TMEM106B: variants seen among roughly 807,000 people sequenced by gnomAD.
TMEM106B encodes the protein transmembrane protein 106B.
TMEM106B carries 15 observed loss-of-function variants against 31.1 expected under a neutral mutation model. The ratio of observed to expected loss-of-function variants is 0.48; its 90% CI spans 0.32 to 0.74. The LOEUF is 0.74. TMEM106B is among the 30% of genes least tolerant of loss of function. TMEM106B has a pLI of 0.03. For missense variants in TMEM106B, 283 were observed against 327.3 expected (o/e 0.86, Z 1.04); for synonymous variants, 126 against 112.5 (o/e 1.12, Z -0.76).
At chr7:12,216,913 A>C (rs1781697565) in intron 2 of TMEM106B, among the ~76,000 whole-genome samples, 1 of 152,140 alleles carries the variant, frequency 6.6e-6, no homozygotes, top group Non-Finnish European at 1.5e-5. Flanking sequence ...GAGTGGGCTC[A>C]AGAGTGCATA....
chr7:12,239,544 C>G lies in TMEM106B; in HGVS notation c.*7569C>G, dbSNP rs1782204049. ...CCTATCTTGACTTTCCAAGATTGTCCTTGGTGAGAAATGCTTGATTACTAG... is the reference window on the plus strand; with the variant it reads ...CCTATCTTGACTTTCCAAGATTGTCGTTGGTGAGAAATGCTTGATTACTAG... On this transcript the variant is annotated 3_prime_UTR_variant, in exon 8 of 8. Transcript: ENST00000396668. 1.3e-5 allele frequency: 2 copies of G among 152,066 alleles called. No individual in the cohort carries two copies. The highest frequency in any genetic ancestry group is 1.5e-5 in the Non-Finnish European group (1 of 68,010). The allele number at this position is 152,066 out of a possible 1,614,324, so 9.4% of individuals were successfully genotyped here. A position where few individuals can be genotyped will look rare whatever the true frequency, so the allele number is the denominator to read the frequency against.
rs977853894 is a variant in TMEM106B at position 12,240,780 on chromosome 7, A to G, written c.*8805A>G. The G allele has an allele frequency of 6.6e-6, 1 of 151,656 alleles. No homozygotes were observed. Among genetic ancestry groups the G allele is most frequent in the Non-Finnish European group, 1.5e-5 (1 of 67,996 alleles). The allele number at this position is 151,656 out of a possible 1,614,324, so 9.4% of individuals were successfully genotyped here. ...ATAGCATCTTATGAGGAACCTTGATATGTGACAAAACAGATGCTTTGATTT... is the reference window on the plus strand; with the variant it reads ...ATAGCATCTTATGAGGAACCTTGATGTGTGACAAAACAGATGCTTTGATTT... On this transcript the variant is annotated 3_prime_UTR_variant, in exon 8 of 8. Transcript: ENST00000396668.
intron 4 of TMEM106B, among the ~76,000 whole-genome samples, chr7:12,228,704 T>G (rs1414157747): frequency 6.6e-6 from 1 of 152,022 alleles, no homozygotes; most frequent in African/African-American, 2.4e-5. Flanking sequence ...GAAATGGCTG[T>G]AACACTTCAC....
At chr7:12,223,747 G>GTC (rs1362916283) in intron 3 of TMEM106B, among the ~76,000 whole-genome samples, 3 of 142,754 alleles carry the variant, frequency 2.1e-5, no homozygotes, top group Non-Finnish European at 3.0e-5. Context: ...TTGGTACAGA[G>GTC]TCTCGCTCTC....
At chr7:12,221,337 C>A (rs1023196120) in intron 3 of TMEM106B, among the ~76,000 whole-genome samples, 1 of 152,058 alleles carries the variant, frequency 6.6e-6, no homozygotes, top group African/African-American at 2.4e-5. Context: ...TTAAACTGTA[C>A]TTAATAGTTG....
intron 4 of TMEM106B, among the ~76,000 whole-genome samples, chr7:12,226,506 C>G (rs117574031): frequency 0.026 from 3,940 of 152,136 alleles, 64 homozygotes; most frequent in Non-Finnish European, 0.04. Flanking sequence ...ATTGGCCAGC[C>G]ATGAGATATA....
intron 3 of TMEM106B, among the ~76,000 whole-genome samples, chr7:12,219,291 T>C (rs1781743907): frequency 6.6e-6 from 1 of 152,136 alleles, no homozygotes; most frequent in Admixed American, 6.6e-5. Flanking sequence ...GAGATAAATA[T>C]ACATGGAGGC....
In TMEM106B at chr7:12,224,385, A is replaced by C. The variant is rs982197371; in HGVS notation, c.441A>C (p.Thr147=). ...AGCGTACAATTTATTTAAATATCAC[A>C]GTGAGTATAAATTTATATGAAAAAT... ...VQKRTIYLNI[T]NTLNITNNNY... The change falls in exon 4 of 8, where the codon ACA becomes ACC. Residue 147 remains threonine, a splice_region_variant and synonymous_variant. Coordinates refer to ENST00000396668, the MANE Select transcript of TMEM106B (RefSeq NM_001134232.2). 6.2e-6 allele frequency: 10 copies of C among 1,603,714 alleles called. No individual in the cohort carries two copies. Among genetic ancestry groups the C allele is most frequent in the Non-Finnish European group, 8.5e-6 (10 of 1,171,514 alleles).
intron 7 of TMEM106B, chr7:12,231,453 G>A (rs924483069): frequency 3.9e-6 from 1 of 255,018 alleles, no homozygotes; most frequent in African/African-American, 2.2e-5. Flanking sequence ...TGTAAATTGG[G>A]TGTTATCTAA....
intron 6 of TMEM106B, chr7:12,230,691 A>G: frequency 3.0e-6 from 1 of 338,550 alleles, no homozygotes; most frequent in East Asian, 5.2e-5. Flanking sequence ...TTTCATTACT[A>G]TGTTACTGTG....
At chr7:12,229,458 G>T (rs932183480) in intron 4 of TMEM106B, among the ~76,000 whole-genome samples, 3 of 151,560 alleles carry the variant, frequency 2.0e-5, no homozygotes, top group Non-Finnish European at 2.9e-5. Flanking sequence ...TATACATTTT[G>T]TTTTTTTTAA....
At chr7:12,215,400 TA>T (rs1331727418) in intron 2 of TMEM106B, among the ~76,000 whole-genome samples, 392 of 148,682 alleles carry the variant, frequency 2.6e-3, no homozygotes, top group South Asian at 7.7e-3. Flanking sequence ...TTTGTTGACC[TA>T]TTTTTTTTTT....
rs895045419 is a variant in TMEM106B at position 12,240,322 on chromosome 7, T to C, written c.*8347T>C. On this transcript the variant is annotated 3_prime_UTR_variant, in exon 8 of 8. Transcript: ENST00000396668. Reference sequence around the variant, plus strand: ...ACCCCTCTCTACTTTCCCTCTAAACTTACTCAAACACTTGGTGAACTTTTT... The same window carrying C: ...ACCCCTCTCTACTTTCCCTCTAAACCTACTCAAACACTTGGTGAACTTTTT... 5 of 152,172 alleles carry C rather than the reference T, an allele frequency of 3.3e-5. No individual in the cohort carries two copies. Among genetic ancestry groups the C allele is most frequent in the African/African-American group, 1.2e-4 (5 of 41,448 alleles). The allele number at this position is 152,172 out of a possible 1,614,324, so 9.4% of individuals were successfully genotyped here. A position where few individuals can be genotyped will look rare whatever the true frequency, so the allele number is the denominator to read the frequency against.
At position 12,231,939 on chromosome 7, in the gene TMEM106B, G is replaced by T; in HGVS notation, c.789G>T (p.Gln263His). 1 of 1,612,158 alleles carries T rather than the reference G, an allele frequency of 6.2e-7. No individual in the cohort carries two copies. Among genetic ancestry groups the T allele is most frequent in the East Asian group, 2.2e-5 (1 of 44,786 alleles). Residue 263 changes from glutamine (Q) to histidine (H), a missense_variant, in exon 8 of 8, where the codon CAG becomes CAT. Transcript: ENST00000396668. ...GAAACACAACTTATCAGTTGGGGCAGTCTGAATATTTAAATGTACTTCAGC... is the reference window on the plus strand; with the variant it reads ...GAAACACAACTTATCAGTTGGGGCATTCTGAATATTTAAATGTACTTCAGC... The part of the protein sequence containing the change: ...CGRNTTYQLG[Q>H]SEYLNVLQPQ...
chr7:12,237,931 TG>T lies in TMEM106B; in HGVS notation c.*5958del, dbSNP rs1422615106. On this transcript the variant is annotated 3_prime_UTR_variant, in exon 8 of 8. Transcript: ENST00000396668. ...CCTTTTGCCGGCACAGGATCTTGTCTGGATGTTGTTTGCTGATAGATCCATG... is the reference window on the plus strand; with the variant it reads ...CCTTTTGCCGGCACAGGATCTTGTCTGATGTTGTTTGCTGATAGATCCATG... 3.9e-5 allele frequency: 6 copies of T among 152,256 alleles called. No individual in the cohort carries two copies. The highest frequency in any genetic ancestry group is 3.9e-4 in the Admixed American group (6 of 15,260). The allele number at this position is 152,256 out of a possible 1,614,324, so 9.4% of individuals were successfully genotyped here.
At chr7:12,223,791 G>C (rs1219979846) in intron 3 of TMEM106B, among the ~76,000 whole-genome samples, 1 of 147,984 alleles carries the variant, frequency 6.8e-6, no homozygotes, top group African/African-American at 2.5e-5. Context: ...TGCGATCTCA[G>C]TTCACTCCAA....
At chr7:12,231,516 T>G in intron 7 of TMEM106B, 1 of 255,086 alleles carries the variant, frequency 3.9e-6, no homozygotes, top group Non-Finnish European at 7.4e-6. Context: ...TTAGCTGACA[T>G]TTGATTAACC....
intron 2 of TMEM106B, among the ~76,000 whole-genome samples, chr7:12,216,243 T>C (rs1346835663): frequency 2.0e-5 from 3 of 152,080 alleles, no homozygotes. Flanking sequence ...GGTTACATTT[T>C]TGAGGTATGA....
Position 12,232,122 on chromosome 7 carries a change from C to A in TMEM106B, c.*147C>A. ...GTACAGTTAAAAGTATGTGGACCTG[C>A]AGTTCTTGTAACTCTCCACTCTGTG... On this transcript the variant is annotated 3_prime_UTR_variant, in exon 8 of 8. Coordinates refer to ENST00000396668, the MANE Select transcript of TMEM106B (RefSeq NM_001134232.2). 1.6e-6 allele frequency: 1 copy of A among 623,674 alleles called. No individual in the cohort carries two copies. The highest frequency in any genetic ancestry group is 2.6e-6 in the Non-Finnish European group (1 of 386,160). The allele number at this position is 623,674 out of a possible 1,614,324, so 38.6% of individuals were successfully genotyped here.
Sources: allele counts gnomAD v4.1 joint callset (sites outside exome capture counted in the v4.1 genomes callset), GRCh38; gene constraint gnomAD v4.1.1; transcripts MANE v1.5; gene names NCBI Gene and HGNC (gene_info 2026-07-23, HGNC 2026-07-21).